Variants in RELCH observed in about 807,000 individuals in gnomAD.
RELCH encodes the protein RAB11 binding and LisH domain, coiled-coil and HEAT repeat containing.
Under a neutral mutation model 150.3 loss-of-function variants are expected in RELCH, and 41 were observed. That is an observed-to-expected ratio of 0.27 (90% CI 0.21 to 0.35). The LOEUF (loss-of-function observed/expected upper bound fraction) is 0.35, where lower values mean the gene tolerates loss of function less well. RELCH is among the 10% of genes least tolerant of loss of function. RELCH has a pLI of 1.00. For missense variants in RELCH, 1,092 were observed against 1,467.8 expected, an observed-to-expected ratio of 0.74 and a Z score of 4.18; for synonymous variants, 478 against 531.8, an observed-to-expected ratio of 0.90 and a Z score of 1.39.
intron 5 of RELCH, among the ~76,000 whole-genome samples, chr18:62,225,326 A>G (rs756131764): frequency 6.6e-6 from 1 of 151,996 alleles, no homozygotes; most frequent in Non-Finnish European, 1.5e-5. Context: ...AAAAAGCATG[A>G]TGTTCTCTGT....
At chr18:62,277,864 A>T in intron 22 of RELCH, 1 of 921,178 alleles carries the variant, frequency 1.1e-6, no homozygotes, top group Non-Finnish European at 1.3e-6. Flanking sequence ...AGCTTCATAT[A>T]TATTTTAATC....
chr18:62,282,430 G>C lies in RELCH; in HGVS notation c.3239G>C (p.Arg1080Thr). Residue 1080 changes from arginine (R) to threonine (T), a missense_variant, in exon 25 of 29, where the codon AGG (arginine) becomes ACG (threonine). This residue lies in a region of RELCH where 707 missense variants were observed against 1,025.4 expected (regional missense o/e 0.69). Transcript: ENST00000644646. Reference protein sequence around the residue: ...FGRVGPNAEPRFRDEFVIPHL... With the variant: ...FGRVGPNAEPTFRDEFVIPHL... Reference sequence around the variant, plus strand: ...AGAGTTGGCCCTAACGCAGAACCCAGGTTCCGAGATGAGTGTAAGTTGCAT... The same window carrying C: ...AGAGTTGGCCCTAACGCAGAACCCACGTTCCGAGATGAGTGTAAGTTGCAT... 1 of 1,612,492 alleles carries C rather than the reference G, an allele frequency of 6.2e-7. No homozygotes were observed.
At position 62,274,027 on chromosome 18, in the gene RELCH, G is replaced by A. The variant is rs200730602; in HGVS notation, c.2808G>A (p.Thr936=). 3.2e-5 allele frequency: 52 copies of A among 1,612,888 alleles called. No individual in the cohort carries two copies. The highest frequency in any genetic ancestry group is 4.4e-5 in the Non-Finnish European group (52 of 1,179,322). Residue 936 remains threonine (T), a synonymous_variant, in exon 21 of 29, where the codon ACG becomes ACA. Transcript: ENST00000644646. The stretch of plus-strand genomic sequence containing the variant: ...TTGGATTCTTAGAAGATGTAATGAC[G>A]CTGCTTTCATTATCTCATGCTCCTC... The part of the protein sequence containing the change: ...LLVGFLEDVM[T]LLSLSHAPLD...
intron 5 of RELCH, 53 bp from the exon 6 acceptor site, chr18:62,227,236 A>C: frequency 3.3e-6 from 4 of 1,219,410 alleles, no homozygotes; most frequent in Middle Eastern, 4.1e-4. Context: ...AATTTCAAAA[A>C]TGTAAGATAA....
intron 1 of RELCH, among the ~76,000 whole-genome samples, chr18:62,198,176 C>T (rs904118069): frequency 6.6e-6 from 1 of 152,250 alleles, no homozygotes; most frequent in African/African-American, 2.4e-5. Context: ...AGGATAGTCA[C>T]ATCCTACATG....
intron 22 of RELCH, among the ~76,000 whole-genome samples, chr18:62,278,751 G>A (rs1017029069): frequency 3.3e-5 from 5 of 152,110 alleles, no homozygotes; most frequent in African/African-American, 4.8e-5. Context: ...AAATGTATAC[G>A]GCTCAGTATT....
At chr18:62,243,154 G>A (rs564218691) in intron 10 of RELCH, among the ~76,000 whole-genome samples, 29 of 152,078 alleles carry the variant, frequency 1.9e-4, no homozygotes, top group Non-Finnish European at 2.9e-4. Context: ...TGTCTTAGTC[G>A]TCTCATTAGT....
chr18:62,191,533 A>T (rs1272305643), intron 1 of RELCH, among the ~76,000 whole-genome samples: 1 of 152,096 alleles, frequency 6.6e-6, no homozygotes, highest in Non-Finnish European at 1.5e-5. Flanking sequence ...TCACCTAGGT[A>T]TTATGCCCAG....
At chr18:62,227,554 C>T (rs2041297089) in intron 6 of RELCH, 44 bp from the exon 7 acceptor site, 1 of 1,535,122 alleles carries the variant, frequency 6.5e-7, no homozygotes, top group African/African-American at 1.4e-5. Context: ...TAAAAGCGTA[C>T]AGTGAGATCT....
In RELCH at chr18:62,258,512, G is replaced by C; in HGVS notation, c.2038G>C (p.Gly680Arg). Residue 680 changes from glycine to arginine, a missense_variant and splice_region_variant, in exon 15 of 29, where the codon GGT becomes CGT. By Grantham distance (125) the Gly-to-Arg change is moderately radical (BLOSUM62 -2). Transcript: ENST00000644646. ...YIDDPDKYHQ[G>R]FELLLSALGD... ...ACATTTGCCTTTTTCTCATTGACAG[G>C]GTTTTGAATTGTTGCTGTCAGCCTT... The C allele has an allele frequency of 1.9e-6, 3 of 1,600,786 alleles. No homozygotes were observed. Among genetic ancestry groups the C allele is most frequent in the Non-Finnish European group, 2.6e-6 (3 of 1,175,338 alleles).
chr18:62,231,733 A>G (rs1468541415), intron 9 of RELCH, among the ~76,000 whole-genome samples: 1 of 151,774 alleles, frequency 6.6e-6, no homozygotes, highest in East Asian at 1.9e-4. Context: ...GTATTTTATT[A>G]TTACTGTTTT....
At chr18:62,297,487 C>G (rs937516737) in intron 27 of RELCH, among the ~76,000 whole-genome samples, 2 of 151,802 alleles carry the variant, frequency 1.3e-5, no homozygotes, top group Non-Finnish European at 2.9e-5. Context: ...AAAAAAAATA[C>G]AAAAAATTCC....
intron 27 of RELCH, among the ~76,000 whole-genome samples, chr18:62,292,133 T>A (rs563257168): frequency 6.6e-6 from 1 of 152,290 alleles, no homozygotes; most frequent in Non-Finnish European, 1.5e-5. Flanking sequence ...AAAACCTTCC[T>A]TTCATCCCTC....
chr18:62,280,434 T>C, intron 23 of RELCH: 1 of 1,613,826 alleles, frequency 6.2e-7, no homozygotes, highest in African/African-American at 1.3e-5. Flanking sequence ...TGTCCAGTGA[T>C]CCTGAATTGT....
intron 27 of RELCH, among the ~76,000 whole-genome samples, chr18:62,297,186 AG>A (rs2030537366): frequency 1.3e-5 from 2 of 152,214 alleles, no homozygotes; most frequent in Admixed American, 6.5e-5. Context: ...AGGGAAAATA[AG>A]TGACAGCTAG....
intron 1 of RELCH, among the ~76,000 whole-genome samples, chr18:62,195,840 C>T (rs890183099): frequency 1.6e-4 from 24 of 151,938 alleles, no homozygotes; most frequent in Admixed American, 6.6e-5. Flanking sequence ...GGACTACAGG[C>T]GCATGCCACC....
chr18:62,281,252 T>A (rs994047206), intron 24 of RELCH, among the ~76,000 whole-genome samples: 4 of 152,244 alleles, frequency 2.6e-5, no homozygotes, highest in African/African-American at 7.2e-5. Flanking sequence ...CCAATCTACA[T>A]AAATTCTTGA....
intron 25 of RELCH, among the ~76,000 whole-genome samples, chr18:62,284,558 T>C (rs1294184745): frequency 6.6e-6 from 1 of 152,174 alleles, no homozygotes. Context: ...CTCTTTTGCT[T>C]TAGAACTTAC....
intron 16 of RELCH, among the ~76,000 whole-genome samples, chr18:62,261,908 C>CT (rs1369708808): frequency 1.3e-5 from 2 of 151,868 alleles, no homozygotes; most frequent in Non-Finnish European, 2.9e-5. Flanking sequence ...AATCTATAGC[C>CT]TTTTTATAGC....
Sources: gnomAD v4.1 joint callset for allele counts (sites outside exome capture counted in the v4.1 genomes callset) on GRCh38, gnomAD v4.1.1 for gene constraint, gnomAD v4.1.1 regional missense constraint, MANE v1.5 for transcripts, NCBI Gene and HGNC (gene_info 2026-07-23, HGNC 2026-07-21) for gene names.